Variants in ZMYND8 observed in about 807,000 individuals in gnomAD.
ZMYND8 encodes MYND-type zinc finger-containing chromatin reader ZMYND8.
Under a neutral mutation model 140.8 loss-of-function variants are expected in ZMYND8, and 37 were observed. That is an observed-to-expected ratio of 0.26 (90% CI 0.20 to 0.35). The LOEUF (loss-of-function observed/expected upper bound fraction) is 0.35. ZMYND8 is among the 10% of genes least tolerant of loss of function. The pLI, the probability that ZMYND8 is intolerant of heterozygous loss-of-function variation, is 1.00. For synonymous variants in ZMYND8, 592 were observed against 597.1 expected, an observed-to-expected ratio of 0.99 and a Z score of 0.12; for missense variants, 1,068 against 1,570.0, an observed-to-expected ratio of 0.68 and a Z score of 5.40.
rs2083266998 is a variant in ZMYND8, at chr20:47,356,697, T to TA, written c.-28dup. On this transcript the variant is annotated 5_prime_UTR_variant, in exon 1 of 23. Transcript: ENST00000471951. ...GTTAACACTGTGTAATGTCAATACTTATAAAACATGGAGGACAGGCTCCTA... is the reference window on the plus strand; with the variant it reads ...GTTAACACTGTGTAATGTCAATACTTAATAAAACATGGAGGACAGGCTCCTA... 1.2e-6 allele frequency: 2 copies of TA among 1,614,142 alleles called. No homozygotes were observed. Among genetic ancestry groups the TA allele is most frequent in the East Asian group, 4.5e-5 (2 of 44,880 alleles).
chr20:47,322,387 C>T (rs899294946), intron 2 of ZMYND8, among the ~76,000 whole-genome samples: 1 of 150,878 alleles, frequency 6.6e-6, no homozygotes, highest in African/African-American at 2.4e-5. Context: ...CTATTGTTTA[C>T]TGAGAAGCTA....
intron 2 of ZMYND8, chr20:47,318,611 G>A (rs996663458): frequency 1.0e-5 from 4 of 399,700 alleles, no homozygotes; most frequent in South Asian, 3.5e-5. Flanking sequence ...AAAACCGCTC[G>A]CATTAGCAAA....
In ZMYND8 at chr20:47,282,232, AC is replaced by A. The variant is rs1472826572; in HGVS notation, c.883-16del. The A allele has an allele frequency of 6.2e-7, 1 of 1,607,378 alleles. No individual in the cohort carries two copies. The highest frequency in any genetic ancestry group is 1.1e-5 in the South Asian group (1 of 90,326). On this transcript the variant is annotated splice_polypyrimidine_tract_variant and intron_variant, in intron 9 of 22. Coordinates refer to ENST00000471951, the MANE Select transcript of ZMYND8 (RefSeq NM_001281775.3). Reference sequence around the variant, plus strand: ...TGTGGATTGCTCTAGGAAAAGAAAAACAAGATCCAGAGTTTGTACATATTTG... The same window carrying A: ...TGTGGATTGCTCTAGGAAAAGAAAAAAAGATCCAGAGTTTGTACATATTTG...
intron 2 of ZMYND8, among the ~76,000 whole-genome samples, chr20:47,336,859 C>G (rs1196347760): frequency 6.6e-6 from 1 of 152,156 alleles, no homozygotes; most frequent in East Asian, 1.9e-4. Context: ...GCACCCTCCC[C>G]ACTTTGGCAC....
At chr20:47,236,718 G>T (rs773873736) in intron 15 of ZMYND8, among the ~76,000 whole-genome samples, 35 of 152,154 alleles carry the variant, frequency 2.3e-4, no homozygotes, top group Non-Finnish European at 4.3e-4. Context: ...AGCAAACATT[G>T]ACAGTTTCTA....
chr20:47,256,342 G>A (rs1457523876), intron 12 of ZMYND8, among the ~76,000 whole-genome samples: 2 of 151,780 alleles, frequency 1.3e-5, no homozygotes, highest in African/African-American at 2.4e-5. Context: ...AAGAGAGGCC[G>A]GGCACAGTGG....
At chr20:47,355,569 AAC>A in intron 1 of ZMYND8, 2 of 850,216 alleles carry the variant, frequency 2.4e-6, no homozygotes, top group Non-Finnish European at 2.8e-6. Flanking sequence ...TATTATTAAA[AAC>A]ACACACAACA....
chr20:47,261,598 G>A (rs1233234642), intron 12 of ZMYND8, among the ~76,000 whole-genome samples: 1 of 151,042 alleles, frequency 6.6e-6, no homozygotes, highest in Non-Finnish European at 1.5e-5. Flanking sequence ...TCATCATCCA[G>A]GGAATAAAGA....
intron 17 of ZMYND8, among the ~76,000 whole-genome samples, chr20:47,227,908 C>G (rs1165631126): frequency 1.3e-5 from 2 of 152,156 alleles, no homozygotes; most frequent in African/African-American, 4.8e-5. Flanking sequence ...GCCTAGCCAA[C>G]ATGGAGAAAC....
In ZMYND8 at chr20:47,286,015, AC is replaced by A. The variant is rs200255511; in HGVS notation, c.804+1213del. On this transcript the variant is annotated intron_variant, in intron 8 of 22. Transcript: ENST00000471951. ...AGACCAGCCTGGGCAACATGGCAAA[AC>A]CCCATTTCTACAAAAAAAATAATAA... 3.9e-3 allele frequency among the ~76,000 whole-genome samples: 599 copies of A among 151,996 alleles called. 2 individuals are homozygous for A. The highest frequency in any genetic ancestry group is 0.013 in the African/African-American group (549 of 41,428).
intron 7 of ZMYND8, among the ~76,000 whole-genome samples, chr20:47,289,631 CAAAAA>C (rs553430443): frequency 6.8e-6 from 1 of 147,816 alleles, no homozygotes; most frequent in African/African-American, 2.5e-5. Flanking sequence ...AAATCAGCAA[CAAAAA>C]AAAAGGAACC....
rs1209061396 is a variant in ZMYND8 at position 47,256,512 on chromosome 20, T to C, written c.1621+5776A>G. ...GCGGGCACCTGTAGTCCCAGCTACT[T>C]GGGAGGCTGAGGCAGGAGAATGGTG... On this transcript the variant is annotated intron_variant, in intron 12 of 22. Transcript: ENST00000471951. Among the ~76,000 whole-genome samples, 3 of 152,144 alleles carry C rather than the reference T, an allele frequency of 2.0e-5. No individual in the cohort carries two copies. In the South Asian group the frequency reaches 6.2e-4, roughly 32 times the overall value.
chr20:47,266,889 A>G (rs1018883131), intron 11 of ZMYND8, among the ~76,000 whole-genome samples: 3 of 152,160 alleles, frequency 2.0e-5, no homozygotes, highest in East Asian at 1.9e-4. Context: ...AAATTTCATG[A>G]AAGTTCACTC....
chr20:47,224,883 C>G (rs1568910687), intron 18 of ZMYND8, among the ~76,000 whole-genome samples: 1 of 150,882 alleles, frequency 6.6e-6, no homozygotes, highest in Non-Finnish European at 1.5e-5. Context: ...AACTCACTTT[C>G]TATCCTATTA....
In ZMYND8 at chr20:47,339,133, C is replaced by T. The variant is rs576240404; in HGVS notation, c.85+8723G>A. Among the ~76,000 whole-genome samples the T allele has an allele frequency of 1.4e-3, 213 of 151,732 alleles. 1 individual carries two copies. Among genetic ancestry groups the T allele is most frequent in the African/African-American group, 4.8e-3 (198 of 41,400 alleles). ...GACTACAGGCGCCCACCTCCACGCC[C>T]GGCTAATTTTTTGTATTTTTAGTAG... On this transcript the variant is annotated intron_variant, in intron 2 of 22. Transcript: ENST00000471951.
chr20:47,327,708 T>G (rs2080560452), intron 2 of ZMYND8, among the ~76,000 whole-genome samples: 1 of 152,156 alleles, frequency 6.6e-6, no homozygotes, highest in African/African-American at 2.4e-5. Flanking sequence ...TATTCCCACA[T>G]GGAACAATCC....
At chr20:47,310,927 G>A (rs1012201827) in intron 2 of ZMYND8, among the ~76,000 whole-genome samples, 6 of 151,928 alleles carry the variant, frequency 3.9e-5, no homozygotes, top group African/African-American at 1.5e-4. Context: ...TGATGAGACC[G>A]AGGCCAACCT....
chr20:47,312,750 G>A (rs1017664279), intron 2 of ZMYND8, among the ~76,000 whole-genome samples: 14 of 148,786 alleles, frequency 9.4e-5, no homozygotes, highest in Non-Finnish European at 2.1e-4. Flanking sequence ...AGATCACACC[G>A]CTGCACTCCA....
At chr20:47,224,976 TATAA>T (rs2037481611) in intron 18 of ZMYND8, among the ~76,000 whole-genome samples, 1 of 152,216 alleles carries the variant, frequency 6.6e-6, no homozygotes, top group Non-Finnish European at 1.5e-5. Context: ...CTAAGAACTT[TATAA>T]ATATTAACTC....
Sources: allele counts gnomAD v4.1 joint callset (sites outside exome capture counted in the v4.1 genomes callset), GRCh38; gene constraint gnomAD v4.1.1; transcripts MANE v1.5; gene names NCBI Gene and HGNC (gene_info 2026-07-23, HGNC 2026-07-21).